MYO1E: variants seen among roughly 807,000 people sequenced by gnomAD.
MYO1E encodes the protein myosin IE.
MYO1E carries 68 observed loss-of-function variants against 151.1 expected under a neutral mutation model. That is an observed-to-expected ratio of 0.45 (90% confidence interval 0.37 to 0.55). The LOEUF (loss-of-function observed/expected upper bound fraction) is 0.55. Ranked by LOEUF, MYO1E falls within the 20% of genes least tolerant of loss-of-function variation. The pLI is 0.00. For synonymous variants in MYO1E, 601 were observed against 501.7 expected (o/e 1.20, Z -2.64); for missense variants, 1,363 against 1,389.3 (o/e 0.98, Z 0.30).
chr15:59,310,272 G>A (rs1184599506), intron 1 of MYO1E, among the ~76,000 whole-genome samples: 7 of 152,186 alleles, frequency 4.6e-5, no homozygotes, highest in Non-Finnish European at 1.0e-4. Context: ...AGCGAAGTGT[G>A]TATCTGTTGT....
In MYO1E at chr15:59,172,554, GA is replaced by G. The variant is rs1566970176; in HGVS notation, c.2335-513del. ...ATTATTAGGATGACATGTAAAAAAT[GA>G]TGACATTTGACTCTTTTTGACTTAA... On this transcript the variant is annotated intron_variant, in intron 21 of 27. Coordinates refer to ENST00000288235, the MANE Select transcript of MYO1E (RefSeq NM_004998.4). 2.0e-5 allele frequency among the ~76,000 whole-genome samples: 3 copies of G among 152,298 alleles called. No individual in the cohort carries two copies. In the East Asian group the frequency reaches 5.8e-4, roughly 29 times the overall value.
At chr15:59,207,633 T>C in intron 14 of MYO1E, 1 of 1,614,188 alleles carries the variant, frequency 6.2e-7, no homozygotes, top group Admixed American at 1.7e-5. Flanking sequence ...GTATCCATTC[T>C]GAAAGCTGCC....
chr15:59,241,787 T>A (rs1230817984), intron 4 of MYO1E, among the ~76,000 whole-genome samples: 1 of 151,954 alleles, frequency 6.6e-6, no homozygotes, highest in African/African-American at 2.4e-5. Context: ...GGTGTGGTAG[T>A]GTGCTCCTGT....
At chr15:59,247,055 G>T (rs116761538) in intron 4 of MYO1E, among the ~76,000 whole-genome samples, 1 of 152,142 alleles carries the variant, frequency 6.6e-6, no homozygotes, top group African/African-American at 2.4e-5. Context: ...AATTAGCCAG[G>T]CATGATGGTG....
chr15:59,205,508 C>CCAATTTCATT (rs1566978070), intron 14 of MYO1E, 23 bp from the exon 15 acceptor site: 1 of 1,492,354 alleles, frequency 6.7e-7, no homozygotes, highest in East Asian at 2.3e-5. Context: ...GGAAAGAAAT[C>CCAATTTCATT]GAATTTCATT....
At position 59,287,400 on chromosome 15, in the gene MYO1E, A is replaced by G. The variant is rs143945346; in HGVS notation, c.4-14951T>C. ...CAGTTGCTGCCACCTCCCCAGCCCCAAGTTCAATCAGCAAGCTCTAGAATG... is the reference window on the plus strand; with the variant it reads ...CAGTTGCTGCCACCTCCCCAGCCCCGAGTTCAATCAGCAAGCTCTAGAATG... On this transcript the variant is annotated intron_variant, in intron 1 of 27. Transcript: ENST00000288235. Among the ~76,000 whole-genome samples, 780 of 152,310 alleles carry G rather than the reference A, an allele frequency of 5.1e-3. 4 individuals carry two copies. The highest frequency in any genetic ancestry group is 0.017 in the Middle Eastern group (5 of 294).
intron 9 of MYO1E, among the ~76,000 whole-genome samples, chr15:59,222,222 G>A (rs899198908): frequency 1.5e-4 from 23 of 152,186 alleles, no homozygotes; most frequent in Non-Finnish European, 3.1e-4. Flanking sequence ...TGTCAGCAAT[G>A]AGTGGGATGC....
chr15:59,196,452 G>A (rs375450602), intron 16 of MYO1E, among the ~76,000 whole-genome samples: 2 of 152,022 alleles, frequency 1.3e-5, no homozygotes, highest in African/African-American at 4.8e-5. Context: ...GCACACATGC[G>A]AACTCCACTT....
intron 1 of MYO1E, among the ~76,000 whole-genome samples, chr15:59,329,816 C>A (rs1016516824): frequency 2.0e-5 from 3 of 152,168 alleles, no homozygotes; most frequent in Non-Finnish European, 4.4e-5. Flanking sequence ...ATGGACAGGG[C>A]GGACTGGTAT....
chr15:59,352,085 G>A (rs1002154162), intron 1 of MYO1E, among the ~76,000 whole-genome samples: 7 of 152,262 alleles, frequency 4.6e-5, no homozygotes, highest in South Asian at 4.1e-4. Flanking sequence ...GAGGCACCCC[G>A]GGTTGATAGG....
chr15:59,296,846 T>C (rs1183203018), intron 1 of MYO1E, among the ~76,000 whole-genome samples: 3 of 147,632 alleles, frequency 2.0e-5, no homozygotes, highest in South Asian at 2.2e-4. Flanking sequence ...TTTCTTTTTT[T>C]TTTTTTTTTT....
chr15:59,191,484 C>T (rs953614831), intron 17 of MYO1E, among the ~76,000 whole-genome samples: 4 of 152,062 alleles, frequency 2.6e-5, no homozygotes, highest in African/African-American at 9.7e-5. Context: ...GAGAAAAATG[C>T]ATGAAAAATG....
At chr15:59,264,830 G>C (rs1343792098) in intron 2 of MYO1E, 2 of 152,218 alleles carry the variant, frequency 1.3e-5, no homozygotes, top group Non-Finnish European at 2.9e-5. Flanking sequence ...AAACCAGCCT[G>C]GGCAATCTAG....
rs1417353561 is a variant in MYO1E, at chr15:59,205,453, C to T, written c.1563G>A (p.Arg521=). The change falls in exon 15 of 28, where the codon AGG becomes AGA. Residue 521 remains arginine (R), a synonymous_variant. Transcript: ENST00000288235. ...VSYDMDGFCE[R]NRDVLFMDLI... ...GATCCATAAAAAGCACATCCCGGTT[C>T]CTTTCACAAAAGCCATCCATGTCAT... The T allele has an allele frequency of 3.7e-6, 6 of 1,614,070 alleles. No homozygotes were observed. The highest frequency in any genetic ancestry group is 5.1e-6 in the Non-Finnish European group (6 of 1,180,048).
chr15:59,143,691 T>C (rs1214548726), intron 26 of MYO1E, among the ~76,000 whole-genome samples: 2 of 152,180 alleles, frequency 1.3e-5, no homozygotes, highest in East Asian at 3.8e-4. Context: ...TCCTGTGAGA[T>C]GACTGATGCA....
At chr15:59,275,662 A>G (rs1404409592) in intron 1 of MYO1E, among the ~76,000 whole-genome samples, 1 of 152,138 alleles carries the variant, frequency 6.6e-6, no homozygotes, top group Non-Finnish European at 1.5e-5. Flanking sequence ...AAAGGGAGAG[A>G]GTAAAGAACC....
At chr15:59,353,369 AAAAAGAAAAGAAAAG>A (rs143319934) in intron 1 of MYO1E, among the ~76,000 whole-genome samples, 20 of 96,848 alleles carry the variant, frequency 2.1e-4, no homozygotes, top group Admixed American at 4.2e-4. Context: ...AAAAAAAAAA[AAAAAGAAAAGAAAAG>A]AAAAGAAAAG....
intron 26 of MYO1E, among the ~76,000 whole-genome samples, chr15:59,140,769 G>A (rs1357005396): frequency 6.6e-6 from 1 of 152,214 alleles, no homozygotes; most frequent in African/African-American, 2.4e-5. Context: ...ACTGCCAGCA[G>A]GGTGGTGGAC....
At chr15:59,221,515 C>T (rs1423972843) in intron 9 of MYO1E, among the ~76,000 whole-genome samples, 1 of 152,178 alleles carries the variant, frequency 6.6e-6, no homozygotes, top group Non-Finnish European at 1.5e-5. Flanking sequence ...AGAACTTTCA[C>T]TGCATACCCC....
Sources: gnomAD v4.1 joint callset for allele counts (sites outside exome capture counted in the v4.1 genomes callset) on GRCh38, gnomAD v4.1.1 for gene constraint, MANE v1.5 for transcripts, NCBI Gene and HGNC (gene_info 2026-07-23, HGNC 2026-07-21) for gene names.